The following NKAIN2 variants were observed in gnomAD, a reference collection of about 807,000 sequenced individuals.
NKAIN2 encodes sodium/potassium-transporting ATPase subunit beta-1-interacting protein 2.
Under a neutral mutation model 32.6 loss-of-function variants are expected in NKAIN2, and 14 were observed. That is an observed-to-expected ratio of 0.43 (90% CI 0.28 to 0.67). The LOEUF is 0.67. Ranked by LOEUF, NKAIN2 falls within the 30% of genes least tolerant of loss-of-function variation. The pLI, the probability that NKAIN2 is intolerant of heterozygous loss-of-function variation, is 0.17. For synonymous variants in NKAIN2, 80 were observed against 87.2 expected, an observed-to-expected ratio of 0.92 and a Z score of 0.46; for missense variants, 198 against 258.3, an observed-to-expected ratio of 0.77 and a Z score of 1.60.
At chr6:124,375,677 C>T (rs1251963787) in intron 3 of NKAIN2, among the ~76,000 whole-genome samples, 5 of 151,794 alleles carry the variant, frequency 3.3e-5, no homozygotes, top group African/African-American at 1.2e-4. Context: ...AAAAGGTGCT[C>T]CCCATTCAGC....
chr6:124,614,973 G>A (rs1267125213), intron 3 of NKAIN2, among the ~76,000 whole-genome samples: 4 of 152,106 alleles, frequency 2.6e-5, no homozygotes, highest in African/African-American at 7.2e-5. Flanking sequence ...AGTTGTTTAC[G>A]GTGCTGAACA....
At position 123,903,613 on chromosome 6, in the gene NKAIN2, G is replaced by T. The variant is rs980950510; in HGVS notation, c.54+99359G>T. 2.0e-5 allele frequency among the ~76,000 whole-genome samples: 3 copies of T among 152,006 alleles called. No individual in the cohort carries two copies. In the South Asian group the frequency reaches 6.2e-4, roughly 32 times the overall value. ...AACTTAGCCCCCTTTTTTCTCCATAGCAATTGGCTAGAGTCCTCTTGAAGT... is the reference window on the plus strand; with the variant it reads ...AACTTAGCCCCCTTTTTTCTCCATATCAATTGGCTAGAGTCCTCTTGAAGT... On this transcript the variant is annotated intron_variant, in intron 1 of 6. Transcript: ENST00000368417.
At chr6:123,924,601 A>G (rs561723) in intron 1 of NKAIN2, among the ~76,000 whole-genome samples, 118,873 of 151,964 alleles carry the variant, frequency 0.78, 47,066 homozygotes, top group East Asian at 0.9. Flanking sequence ...GAAGTTTAGA[A>G]TTACAGTAGA....
At chr6:124,583,599 AC>A (rs1583474184) in intron 3 of NKAIN2, among the ~76,000 whole-genome samples, 1 of 152,340 alleles carries the variant, frequency 6.6e-6, no homozygotes, top group East Asian at 1.9e-4. Context: ...GACATTCTTC[AC>A]AGGAATAGAA....
At chr6:124,029,687 C>G (rs1781317900) in intron 1 of NKAIN2, among the ~76,000 whole-genome samples, 3 of 152,118 alleles carry the variant, frequency 2.0e-5, no homozygotes, top group African/African-American at 7.2e-5. Context: ...GGATCCCCAA[C>G]CCCCAGGTCA....
intron 1 of NKAIN2, among the ~76,000 whole-genome samples, chr6:123,891,120 A>G (rs1185860234): frequency 2.0e-5 from 3 of 152,178 alleles, no homozygotes; most frequent in Non-Finnish European, 4.4e-5. Flanking sequence ...ATTTCACTTT[A>G]TAGAGTGACT....
At chr6:124,634,319 A>G (rs1311315861) in intron 3 of NKAIN2, among the ~76,000 whole-genome samples, 4 of 152,222 alleles carry the variant, frequency 2.6e-5, no homozygotes, top group Non-Finnish European at 5.9e-5. Flanking sequence ...ACTCAGTGAG[A>G]TACATGAGAA....
At chr6:124,577,765 T>C (rs1583466045) in intron 3 of NKAIN2, among the ~76,000 whole-genome samples, 1 of 152,066 alleles carries the variant, frequency 6.6e-6, no homozygotes, top group East Asian at 2.0e-4. Flanking sequence ...TCCCACCACC[T>C]CAGGCAGTGC....
At chr6:124,614,895 G>C (rs1447345690) in intron 3 of NKAIN2, among the ~76,000 whole-genome samples, 2 of 152,206 alleles carry the variant, frequency 1.3e-5, no homozygotes, top group African/African-American at 2.4e-5. Flanking sequence ...CATTTGCTTA[G>C]TTTAGAAAAT....
At chr6:124,438,005 G>A in intron 3 of NKAIN2, 2 of 382,176 alleles carry the variant, frequency 5.2e-6, no homozygotes, top group South Asian at 2.0e-5. Flanking sequence ...TGTGGATATA[G>A]CAAGAAAGCC....
chr6:124,122,243 T>C (rs1200731083), intron 1 of NKAIN2, among the ~76,000 whole-genome samples: 1 of 152,100 alleles, frequency 6.6e-6, no homozygotes, highest in Non-Finnish European at 1.5e-5. Flanking sequence ...TTTTTTGATA[T>C]AAAGTTGAGA....
At chr6:124,566,606 A>C (rs1272403824) in intron 3 of NKAIN2, among the ~76,000 whole-genome samples, 1 of 152,170 alleles carries the variant, frequency 6.6e-6, no homozygotes, top group Non-Finnish European at 1.5e-5. Flanking sequence ...GCAGGATATT[A>C]ATGGGCACTA....
At chr6:124,282,284 A>G in intron 1 of NKAIN2, 1 of 355,016 alleles carries the variant, frequency 2.8e-6, no homozygotes, top group Admixed American at 3.8e-5. Context: ...TGCTTTTATA[A>G]CAGTGATGCT....
At chr6:124,725,764 G>A (rs1016260072) in intron 4 of NKAIN2, among the ~76,000 whole-genome samples, 1 of 152,196 alleles carries the variant, frequency 6.6e-6, no homozygotes, top group Admixed American at 6.5e-5. Flanking sequence ...CGACGCAGAA[G>A]ACGGTGATTT....
intron 3 of NKAIN2, among the ~76,000 whole-genome samples, chr6:124,418,199 T>C (rs1774582067): frequency 6.6e-6 from 1 of 151,974 alleles, no homozygotes; most frequent in Non-Finnish European, 1.5e-5. Context: ...TGTGTTTGTA[T>C]GGTGTGTGTT....
At chr6:123,847,792 A>G (rs1209722869) in intron 1 of NKAIN2, among the ~76,000 whole-genome samples, 1 of 152,120 alleles carries the variant, frequency 6.6e-6, no homozygotes, top group African/African-American at 2.4e-5. Context: ...GAAACTTTAT[A>G]CTGGCTGCAG....
At chr6:124,336,322 TG>T (rs900955446) in intron 2 of NKAIN2, among the ~76,000 whole-genome samples, 3 of 152,176 alleles carry the variant, frequency 2.0e-5, no homozygotes, top group African/African-American at 7.2e-5. Context: ...TGGTTTAATT[TG>T]GGGTAGGCTT....
intron 1 of NKAIN2, among the ~76,000 whole-genome samples, chr6:123,856,010 A>G (rs1385637403): frequency 6.6e-6 from 1 of 152,178 alleles, no homozygotes; most frequent in Non-Finnish European, 1.5e-5. Flanking sequence ...TATAGTTTCA[A>G]ATTATCCATA....
At chr6:124,766,255 T>G (rs1778509435) in intron 4 of NKAIN2, among the ~76,000 whole-genome samples, 1 of 152,194 alleles carries the variant, frequency 6.6e-6, no homozygotes, top group Non-Finnish European at 1.5e-5. Flanking sequence ...TCGTTTAAAG[T>G]GCCTCTTAGG....
Sources: gnomAD v4.1 joint callset for allele counts (sites outside exome capture counted in the v4.1 genomes callset) on GRCh38, gnomAD v4.1.1 for gene constraint, MANE v1.5 for transcripts, NCBI Gene and HGNC (gene_info 2026-07-23, HGNC 2026-07-21) for gene names.